SPATA13: variants seen among roughly 807,000 people sequenced by gnomAD.
The protein encoded by SPATA13 is spermatogenesis-associated protein 13.
Under a neutral mutation model 104.0 loss-of-function variants are expected in SPATA13, and 50 were observed. The observed-to-expected ratio is 0.48, with a 90% CI of 0.38 to 0.61. The LOEUF (loss-of-function observed/expected upper bound fraction) is 0.61. SPATA13 is among the 20% of genes least tolerant of loss of function. The probability of loss-of-function intolerance (pLI) is 0.00; values close to 1 mark genes in which losing one functional copy is unlikely to be tolerated. For synonymous variants in SPATA13, 606 were observed against 667.5 expected, an observed-to-expected ratio of 0.91 and a Z score of 1.42; for missense variants, 1,524 against 1,690.6, an observed-to-expected ratio of 0.90 and a Z score of 1.73.
At chr13:24,130,870 T>C (rs1169627237) in intron 3 of SPATA13, among the ~76,000 whole-genome samples, 1 of 152,196 alleles carries the variant, frequency 6.6e-6, no homozygotes, top group East Asian at 1.9e-4. Flanking sequence ...ACATATGTAA[T>C]GTAAGGAGCC....
chr13:24,196,071 C>T (rs1467906241), intron 1 of SPATA13, among the ~76,000 whole-genome samples: 3 of 151,910 alleles, frequency 2.0e-5, no homozygotes, highest in Non-Finnish European at 4.4e-5. Flanking sequence ...TCTTTGGTGC[C>T]AAGAAATTCA....
At chr13:24,002,000 C>G (rs541284661) in intron 2 of SPATA13, among the ~76,000 whole-genome samples, 3 of 151,922 alleles carry the variant, frequency 2.0e-5, no homozygotes, top group East Asian at 3.9e-4. Flanking sequence ...ACCCAGGGGG[C>G]GGGTGGGAGC....
intron 4 of SPATA13, among the ~76,000 whole-genome samples, chr13:24,260,153 C>T (rs1345568843): frequency 6.6e-6 from 1 of 152,140 alleles, no homozygotes; most frequent in Admixed American, 6.5e-5. Flanking sequence ...AAACGGGGAG[C>T]ATGTCAGTCG....
intron 1 of SPATA13, among the ~76,000 whole-genome samples, chr13:24,197,689 G>A (rs1039087331): frequency 1.3e-5 from 2 of 152,172 alleles, no homozygotes; most frequent in African/African-American, 4.8e-5. Context: ...AATGAAATCA[G>A]TTAGACTGGC....
chr13:24,022,937 C>CT (rs150612649), intron 3 of SPATA13, among the ~76,000 whole-genome samples: 33,741 of 151,436 alleles, frequency 0.22, 4,273 homozygotes, highest in Non-Finnish European at 0.28. Flanking sequence ...CTTGAATCTT[C>CT]TTTTTTTTTA....
chr13:24,117,945 T>C (rs1880905526), intron 3 of SPATA13, among the ~76,000 whole-genome samples: 1 of 152,206 alleles, frequency 6.6e-6, no homozygotes, highest in Non-Finnish European at 1.5e-5. Context: ...ATTGTAACGA[T>C]TATTTCACTT....
At chr13:24,248,092 A>C (rs1296482728) in intron 2 of SPATA13, among the ~76,000 whole-genome samples, 1 of 152,144 alleles carries the variant, frequency 6.6e-6, no homozygotes, top group African/African-American at 2.4e-5. Flanking sequence ...TGGAAGACGG[A>C]GGGCATGCAG....
intron 3 of SPATA13, among the ~76,000 whole-genome samples, chr13:24,043,152 T>C (rs1401005563): frequency 6.6e-6 from 1 of 152,178 alleles, no homozygotes; most frequent in East Asian, 1.9e-4. Flanking sequence ...GCGGGTGGCC[T>C]CGGTGTTCTC....
At chr13:24,231,856 G>A (rs1368792153) in intron 2 of SPATA13, among the ~76,000 whole-genome samples, 1 of 152,204 alleles carries the variant, frequency 6.6e-6, no homozygotes, top group Non-Finnish European at 1.5e-5. Flanking sequence ...AATGACTAAT[G>A]ATGTTGAACG....
intron 3 of SPATA13, among the ~76,000 whole-genome samples, chr13:24,104,261 GT>G (rs1182200311): frequency 1.3e-5 from 2 of 151,104 alleles, no homozygotes; most frequent in Non-Finnish European, 3.0e-5. Context: ...TGTTTTTTGG[GT>G]TTTTTTGGAA....
At chr13:24,203,302 C>T (rs7327051) in intron 1 of SPATA13, among the ~76,000 whole-genome samples, 142,197 of 152,042 alleles carry the variant, frequency 0.94, 67,300 homozygotes, top group East Asian at 1. Context: ...GGGTAATCAC[C>T]AATTACCCTG....
chr13:24,217,863 A>G (rs1871344149), intron 1 of SPATA13, among the ~76,000 whole-genome samples: 1 of 152,060 alleles, frequency 6.6e-6, no homozygotes. Context: ...ATACTGTGGC[A>G]ACTCCCTTCC....
In SPATA13 at chr13:24,051,005, T is replaced by C. The variant is rs114201747; in HGVS notation, c.-112+33304T>C. The stretch of plus-strand genomic sequence containing the variant: ...TTTTCCAGCTGTTTTTGCAGGTGAG[T>C]GTACTGTGAGCTAAGCAGGCTATAG... On this transcript the variant is annotated intron_variant, in intron 3 of 14. Coordinates refer to the SPATA13 transcript ENST00000424834. The surrounding 1 kb of genome is among the most constrained non-coding windows in gnomAD (Gnocchi z 4.2). Among the ~76,000 whole-genome samples the C allele has an allele frequency of 9.4e-3, 1,432 of 152,256 alleles. 27 individuals are homozygous for C. Among genetic ancestry groups the C allele is most frequent in the African/African-American group, 0.031 (1,293 of 41,540 alleles).
intron 9 of SPATA13, among the ~76,000 whole-genome samples, chr13:24,293,913 C>T (rs1046489232): frequency 1.3e-5 from 2 of 152,208 alleles, no homozygotes; most frequent in Non-Finnish European, 2.9e-5. Context: ...CTAATTCATT[C>T]CAGCTGTGAT....
chr13:24,306,746 C>A lies in SPATA13; in HGVS notation c.*3973C>A, dbSNP rs929136217. ...ACTGACATTTTATATTTAGAAAATA[C>A]TTTTAATCTTTCTAATCTTTTTTTG... On this transcript the variant is annotated 3_prime_UTR_variant, in exon 13 of 13. Transcript: ENST00000382108. The A allele has an allele frequency of 6.6e-6, 1 of 152,062 alleles. No homozygotes were observed. The highest frequency in any genetic ancestry group is 1.9e-4 in the East Asian group (1 of 5,192). 9.4% of individuals were successfully genotyped at this position (152,062 alleles called of 1,614,324 possible). A position where few individuals can be genotyped will look rare whatever the true frequency, so the allele number is the denominator to read the frequency against.
intron 1 of SPATA13, among the ~76,000 whole-genome samples, chr13:24,172,564 C>T (rs1883020433): frequency 6.6e-6 from 1 of 152,068 alleles, no homozygotes. Context: ...GTGTTTTTTT[C>T]TTGGCCTGTA....
At chr13:24,285,140 A>G (rs1224930138) in intron 5 of SPATA13, among the ~76,000 whole-genome samples, 1 of 152,172 alleles carries the variant, frequency 6.6e-6, no homozygotes. Flanking sequence ...GTTGGGCGCT[A>G]AGGAGATGGG....
At chr13:24,300,265 A>G (rs1877090196) in intron 11 of SPATA13, 136 bp from the exon 12 acceptor site, 2 of 641,866 alleles carry the variant, frequency 3.1e-6, no homozygotes, top group African/African-American at 1.8e-5. Flanking sequence ...CAACCTGTCC[A>G]CGTTCTTTGA....
At chr13:24,089,711 T>A (rs1021726351) in intron 3 of SPATA13, among the ~76,000 whole-genome samples, 1 of 152,222 alleles carries the variant, frequency 6.6e-6, no homozygotes, top group Admixed American at 6.5e-5. Context: ...TATCTGAAAT[T>A]CAAATTTCAC....
Sources: gnomAD v4.1 joint callset for allele counts (sites outside exome capture counted in the v4.1 genomes callset) on GRCh38, gnomAD v4.1.1 for gene constraint, Gnocchi (gnomAD v3.1) non-coding constraint, MANE v1.5 for transcripts, NCBI Gene and HGNC (gene_info 2026-07-23, HGNC 2026-07-21) for gene names.